RTN3: variants seen among roughly 807,000 people sequenced by gnomAD.
The protein encoded by RTN3 is reticulon-3.
A neutral mutation model predicts 77.8 loss-of-function variants in RTN3; 49 were observed. The ratio of observed to expected loss-of-function variants is 0.63; its 90% confidence interval spans 0.50 to 0.80. The LOEUF is 0.80. Among genes scored for constraint, RTN3 ranks in the 30% least tolerant of loss-of-function variants. RTN3 has a pLI of 0.00. For missense variants in RTN3, 1,236 were observed against 1,211.9 expected, an observed-to-expected ratio of 1.02 and a Z score of -0.29; for synonymous variants, 464 against 446.9, an observed-to-expected ratio of 1.04 and a Z score of -0.48.
chr11:63,683,863 CAT>C (rs1941197000), intron 1 of RTN3, among the ~76,000 whole-genome samples: 2 of 150,522 alleles, frequency 1.3e-5, no homozygotes, highest in South Asian at 2.1e-4. Flanking sequence ...GTTCCAAGTA[CAT>C]GAGTTTGCAT....
chr11:63,749,531 A>G (rs2013989312), intron 3 of RTN3, among the ~76,000 whole-genome samples: 2 of 152,234 alleles, frequency 1.3e-5, no homozygotes, highest in African/African-American at 2.4e-5. Context: ...TTTAGTTAAC[A>G]GCAAGATTTT....
chr11:63,713,154 T>C (rs959947706), intron 2 of RTN3, among the ~76,000 whole-genome samples: 7 of 152,174 alleles, frequency 4.6e-5, no homozygotes, highest in African/African-American at 1.7e-4. Context: ...AGAATATGAC[T>C]ACCAACTTAA....
chr11:63,712,805 GA>G (rs1257922689), intron 2 of RTN3, among the ~76,000 whole-genome samples: 1 of 152,024 alleles, frequency 6.6e-6, no homozygotes, highest in African/African-American at 2.4e-5. Flanking sequence ...TTTTTAATAA[GA>G]ATTTTTTGGC....
At chr11:63,723,115 C>T (rs1004629986) in intron 3 of RTN3, among the ~76,000 whole-genome samples, 1 of 152,070 alleles carries the variant, frequency 6.6e-6, no homozygotes, top group Non-Finnish European at 1.5e-5. Context: ...TAGTGATTAT[C>T]AACTGAATTA....
At position 63,752,663 on chromosome 11, in the gene RTN3, C is replaced by T. The variant is rs1278661268; in HGVS notation, c.2877+18C>T. On this transcript the variant is annotated intron_variant, in intron 5 of 8. Coordinates refer to ENST00000377819, the MANE Select transcript of RTN3 (RefSeq NM_001265589.2). Reference sequence around the variant, plus strand: ...CCTTGAAGGTTAGTTGTTTCTGCAGCTCTTGGTGGTAAAACAGAAAAAGCA... The same window carrying T: ...CCTTGAAGGTTAGTTGTTTCTGCAGTTCTTGGTGGTAAAACAGAAAAAGCA... 1 of 1,611,580 alleles carries T rather than the reference C, an allele frequency of 6.2e-7. No homozygotes were observed. The highest frequency in any genetic ancestry group is 8.5e-7 in the Non-Finnish European group (1 of 1,178,804).
intron 1 of RTN3, among the ~76,000 whole-genome samples, chr11:63,692,144 T>C (rs1198433533): frequency 2.0e-5 from 3 of 152,084 alleles, no homozygotes; most frequent in East Asian, 3.9e-4. Context: ...CACCTCAGCC[T>C]CCCAAGTAGC....
intron 2 of RTN3, among the ~76,000 whole-genome samples, chr11:63,713,590 C>T (rs911312333): frequency 6.6e-6 from 1 of 152,158 alleles, no homozygotes; most frequent in Non-Finnish European, 1.5e-5. Flanking sequence ...GGATTACAGG[C>T]ATGAGCCACC....
intron 2 of RTN3, among the ~76,000 whole-genome samples, chr11:63,705,206 G>A (rs1276458966): frequency 1.3e-5 from 2 of 152,102 alleles, no homozygotes; most frequent in Non-Finnish European, 2.9e-5. Context: ...GTGGCTCAGA[G>A]GCCAGGTGCA....
intron 3 of RTN3, among the ~76,000 whole-genome samples, chr11:63,721,608 T>C (rs1403723255): frequency 1.3e-5 from 2 of 151,776 alleles, no homozygotes; most frequent in African/African-American, 4.8e-5. Flanking sequence ...TTTTTTTCTA[T>C]GCTCCAGTTA....
rs969768581 is a variant in RTN3 at position 63,759,659 on chromosome 11, GTTC to G, written c.*1461_*1463del. On this transcript the variant is annotated 3_prime_UTR_variant, in exon 9 of 9. Transcript: ENST00000377819. ...TTCTGCAGTGGAAGTGCCACATCCA[GTTC>G]TTTTCTTTTGTTGCTGCTGTGTTTA... The G allele has an allele frequency of 2.7e-4, 41 of 152,140 alleles. No individual in the cohort carries two copies. The highest frequency in any genetic ancestry group is 9.4e-4 in the African/African-American group (39 of 41,288). The allele number at this position is 152,140 out of a possible 1,614,324, so 9.4% of individuals were successfully genotyped here.
At chr11:63,732,951 A>G (rs1255933385) in intron 3 of RTN3, among the ~76,000 whole-genome samples, 1 of 152,208 alleles carries the variant, frequency 6.6e-6, no homozygotes, top group East Asian at 1.9e-4. Flanking sequence ...GCAACATAAT[A>G]AGATAATGAA....
chr11:63,738,915 C>T (rs1043747854), intron 3 of RTN3, among the ~76,000 whole-genome samples: 1 of 152,100 alleles, frequency 6.6e-6, no homozygotes, highest in Non-Finnish European at 1.5e-5. Flanking sequence ...TTTCCTTAGC[C>T]TGAGATTACC....
At position 63,718,760 on chromosome 11, in the gene RTN3, T is replaced by C; in HGVS notation, c.258T>C (p.Phe86=). 1.2e-6 allele frequency: 2 copies of C among 1,606,444 alleles called. No individual in the cohort carries two copies. The highest frequency in any genetic ancestry group is 1.7e-6 in the Non-Finnish European group (2 of 1,178,226). The part of the protein sequence containing the change: ...EPSSEIMTSS[F]LSSSEIHNTG... ...CTTCAGAAATTATGACTTCTTCCTT[T>C]CTTTCATCTTCTGAAATACATAACA... Residue 86 remains phenylalanine (F), a synonymous_variant, in exon 3 of 9, where the codon TTT becomes TTC. Coordinates refer to ENST00000377819, the MANE Select transcript of RTN3 (RefSeq NM_001265589.2).
chr11:63,752,511 T>C lies in RTN3; in HGVS notation c.2743T>C (p.Tyr915His). 1 of 1,613,030 alleles carries C rather than the reference T, an allele frequency of 6.2e-7. No homozygotes were observed. Among genetic ancestry groups the C allele is most frequent in the South Asian group, 1.1e-5 (1 of 91,014 alleles). The stretch of plus-strand genomic sequence containing the variant: ...TGTTATTTCTTCTTCTGGAAGAGCC[T>C]ACCTGGACGTAGACATTACTCTGTC... Reference protein sequence around the residue: ...KSEEGHPFKAYLDVDITLSSE... With the variant: ...KSEEGHPFKAHLDVDITLSSE... The change falls in exon 5 of 9, where the codon TAC (tyrosine) becomes CAC (histidine). Residue 915 changes from tyrosine (Y) to histidine (H), a missense_variant. Tyr to His is a moderately conservative substitution (Grantham distance 83, BLOSUM62 2). Transcript: ENST00000377819.
intron 3 of RTN3, among the ~76,000 whole-genome samples, chr11:63,722,812 G>A (rs1374552029): frequency 1.3e-5 from 2 of 152,184 alleles, no homozygotes; most frequent in African/African-American, 2.4e-5. Context: ...GATGTAAAGT[G>A]AAGTAGATGG....
intron 3 of RTN3, among the ~76,000 whole-genome samples, chr11:63,739,095 A>C (rs939568536): frequency 2.6e-5 from 4 of 152,214 alleles, no homozygotes; most frequent in African/African-American, 9.6e-5. Flanking sequence ...TTGGAAAATA[A>C]AAAGAAGGAA....
chr11:63,693,166 C>A (rs1385264960), intron 1 of RTN3, among the ~76,000 whole-genome samples: 1 of 152,168 alleles, frequency 6.6e-6, no homozygotes, highest in Non-Finnish European at 1.5e-5. Flanking sequence ...TGGAGAAACT[C>A]TTCCCAGAAA....
intron 1 of RTN3, among the ~76,000 whole-genome samples, chr11:63,683,469 T>C (rs575748542): frequency 6.6e-6 from 1 of 152,248 alleles, no homozygotes; most frequent in Non-Finnish European, 1.5e-5. Context: ...AAGACAGATG[T>C]TAAGTGTTGA....
At chr11:63,742,040 C>G (rs1427122497) in intron 3 of RTN3, among the ~76,000 whole-genome samples, 2 of 148,286 alleles carry the variant, frequency 1.3e-5, no homozygotes, top group African/African-American at 5.0e-5. Flanking sequence ...AGTGCAGTGG[C>G]GCGATCTCAG....
Sources: allele counts gnomAD v4.1 joint callset (sites outside exome capture counted in the v4.1 genomes callset), GRCh38; gene constraint gnomAD v4.1.1; transcripts MANE v1.5; gene names NCBI Gene and HGNC (gene_info 2026-07-23, HGNC 2026-07-21).